CWC27: variants seen among roughly 807,000 people sequenced by gnomAD.
CWC27 encodes CWC27 spliceosome associated cyclophilin.
Under a neutral mutation model 63.6 loss-of-function variants are expected in CWC27, and 47 were observed. The ratio of observed to expected loss-of-function variants is 0.74; its 90% confidence interval spans 0.58 to 0.94. CWC27 has a LOEUF of 0.94. Ranked by LOEUF, CWC27 falls within the 40% of genes least tolerant of loss-of-function variation. The pLI, the probability that CWC27 is intolerant of heterozygous loss-of-function variation, is 0.00. For missense variants in CWC27, 495 were observed against 554.3 expected, an observed-to-expected ratio of 0.89 and a Z score of 1.07; for synonymous variants, 175 against 179.8, an observed-to-expected ratio of 0.97 and a Z score of 0.22.
chr5:64,893,628 G>A (rs546445994), intron 11 of CWC27, among the ~76,000 whole-genome samples: 1 of 152,232 alleles, frequency 6.6e-6, no homozygotes, highest in African/African-American at 2.4e-5. Context: ...AACAATGCCA[G>A]AAAGAACAAA....
chr5:64,798,563 AAAT>A (rs1226913299), intron 7 of CWC27, among the ~76,000 whole-genome samples: 2 of 152,194 alleles, frequency 1.3e-5, no homozygotes, highest in African/African-American at 4.8e-5. Context: ...TTAAAACTAC[AAAT>A]AATAGCATAT....
At chr5:64,794,820 G>T (rs952694555) in intron 7 of CWC27, among the ~76,000 whole-genome samples, 1 of 152,048 alleles carries the variant, frequency 6.6e-6, no homozygotes. Context: ...ATCTTTACAT[G>T]TAACTGAAAT....
chr5:64,801,814 CAGAA>C (rs948653569), intron 9 of CWC27, among the ~76,000 whole-genome samples: 69 of 152,222 alleles, frequency 4.5e-4, no homozygotes, highest in African/African-American at 1.5e-3. Context: ...GCTAACAAAA[CAGAA>C]GGAAGATTTT....
At chr5:64,927,429 C>T (rs568102404) in intron 11 of CWC27, among the ~76,000 whole-genome samples, 11 of 152,214 alleles carry the variant, frequency 7.2e-5, no homozygotes, top group African/African-American at 2.4e-4. Context: ...TCACAGATTG[C>T]CTCATCCTTA....
chr5:64,859,664 A>C (rs1746350942), intron 10 of CWC27, among the ~76,000 whole-genome samples: 1 of 152,188 alleles, frequency 6.6e-6, no homozygotes, highest in Non-Finnish European at 1.5e-5. Context: ...TATTACTAAA[A>C]ACTAAAGAGA....
chr5:64,828,409 G>A (rs771794246), intron 10 of CWC27, among the ~76,000 whole-genome samples: 34 of 152,092 alleles, frequency 2.2e-4, no homozygotes, highest in East Asian at 5.8e-4. Context: ...ACCATAGTCC[G>A]GCTGGCTTAT....
At chr5:65,017,742 T>TA (rs1561190516) in intron 13 of CWC27, among the ~76,000 whole-genome samples, 1 of 152,242 alleles carries the variant, frequency 6.6e-6, no homozygotes, top group Non-Finnish European at 1.5e-5. Flanking sequence ...TTGAAATTTT[T>TA]AAAAATCAGA....
chr5:64,965,878 T>C, intron 11 of CWC27, among the ~76,000 whole-genome samples: 1 of 152,216 alleles, frequency 6.6e-6, no homozygotes, highest in East Asian at 1.9e-4. Context: ...GTTATGACTA[T>C]ACATTAAGAA....
At chr5:64,842,736 G>A (rs1483517453) in intron 10 of CWC27, among the ~76,000 whole-genome samples, 1 of 152,066 alleles carries the variant, frequency 6.6e-6, no homozygotes, top group Non-Finnish European at 1.5e-5. Context: ...AAGTAGCAGG[G>A]ACTGCAGGTG....
intron 11 of CWC27, among the ~76,000 whole-genome samples, 192 bp downstream of exon 11, chr5:64,885,738 T>TGTGTGTGTG (rs60595588): frequency 9.2e-5 from 13 of 141,364 alleles, no homozygotes; most frequent in East Asian, 1.9e-4. Context: ...TGTGTGTGTG[T>TGTGTGTGTG]TTTTAATACT....
rs534458833 is a variant in CWC27 at position 64,886,651 on chromosome 5, G to A, written c.1042+1105G>A. On this transcript the variant is annotated intron_variant, in intron 11 of 13. Coordinates refer to ENST00000381070, the MANE Select transcript of CWC27 (RefSeq NM_005869.4). ...GTAATACCAGATAACTATTTAAAGG[G>A]CGTAGTTCTCAATTCTAAGATTATT... 1.5e-3 allele frequency among the ~76,000 whole-genome samples: 222 copies of A among 152,102 alleles called. 4 individuals carry two copies. Among genetic ancestry groups the A allele is most frequent in the Middle Eastern group, 0.014 (4 of 294 alleles).
At chr5:65,000,179 G>C (rs777501793) in intron 13 of CWC27, among the ~76,000 whole-genome samples, 5 of 151,970 alleles carry the variant, frequency 3.3e-5, no homozygotes, top group Non-Finnish European at 4.4e-5. Flanking sequence ...CTTTTTAACA[G>C]GATTTTGGTT....
At chr5:64,770,926 A>T (rs1743230303) in intron 1 of CWC27, among the ~76,000 whole-genome samples, 1 of 152,232 alleles carries the variant, frequency 6.6e-6, no homozygotes, top group African/African-American at 2.4e-5. Context: ...ACAAATAATG[A>T]TTGAGCAAAT....
intron 11 of CWC27, among the ~76,000 whole-genome samples, chr5:64,953,158 T>G (rs1748742650): frequency 6.6e-6 from 1 of 152,152 alleles, no homozygotes; most frequent in Non-Finnish European, 1.5e-5. Flanking sequence ...GTGAAAATGC[T>G]TGGCAGACTA....
chr5:64,981,116 T>C (rs894192538), intron 13 of CWC27, among the ~76,000 whole-genome samples: 1 of 152,062 alleles, frequency 6.6e-6, no homozygotes, highest in Admixed American at 6.5e-5. Flanking sequence ...AAATGTTCAC[T>C]GTGGAAAAAT....
At chr5:64,838,383 TATAGATTATGTATATACAATATACAG>T (rs1165162006) in intron 10 of CWC27, among the ~76,000 whole-genome samples, 1 of 152,142 alleles carries the variant, frequency 6.6e-6, no homozygotes, top group East Asian at 1.9e-4. Context: ...ACAATATACA[TATAGATTATGTATATACAATATACAG>T]ATAGGGTTCC....
intron 10 of CWC27, chr5:64,808,117 G>A: frequency 1.8e-6 from 2 of 1,105,968 alleles, no homozygotes; most frequent in Non-Finnish European, 2.2e-6. Flanking sequence ...AGTAGCATTA[G>A]TATCACTTGG....
intron 11 of CWC27, among the ~76,000 whole-genome samples, chr5:64,938,473 C>T (rs899195441): frequency 4.6e-5 from 7 of 152,178 alleles, no homozygotes; most frequent in Non-Finnish European, 1.0e-4. Flanking sequence ...CAGAGAAATC[C>T]ACTGTTAGTC....
rs1748954777 is a variant in CWC27 at position 64,963,343 on chromosome 5, C to G, written c.1043-8360C>G. ...AAAGAGTAGGTGATTTGTAAAAGAG[C>G]CATATGGAATATTTAGAAATAGAAA... On this transcript the variant is annotated intron_variant, in intron 11 of 13. Transcript: ENST00000381070. 2.0e-5 allele frequency among the ~76,000 whole-genome samples: 3 copies of G among 152,082 alleles called. 1 individual carries two copies. The South Asian group carries it at 6.2e-4, about 32-fold the overall frequency.
Sources: gnomAD v4.1 joint callset for allele counts (sites outside exome capture counted in the v4.1 genomes callset) on GRCh38, gnomAD v4.1.1 for gene constraint, MANE v1.5 for transcripts, NCBI Gene and HGNC (gene_info 2026-07-23, HGNC 2026-07-21) for gene names.